The following GOSR2 variants were observed in gnomAD, a reference collection of about 807,000 sequenced individuals.
GOSR2 encodes the protein 27 kDa Golgi SNARE protein.
In GOSR2, 20 loss-of-function variants were observed where a neutral mutation model predicts 27.9. The ratio of observed to expected loss-of-function variants is 0.72; its 90% CI spans 0.50 to 1.04. GOSR2 has a LOEUF of 1.04. GOSR2 is among the 50% of genes least tolerant of loss of function. The pLI, the probability that GOSR2 is intolerant of heterozygous loss-of-function variation, is 0.00. For missense variants in GOSR2, 261 were observed against 270.5 expected (o/e 0.97, Z 0.25); for synonymous variants, 91 against 98.8 (o/e 0.92, Z 0.47).
Position 46,939,551 on chromosome 17 carries a change from C to T in GOSR2, c.*791C>T. On this transcript the variant is annotated 3_prime_UTR_variant, in exon 6 of 6. Coordinates refer to ENST00000640051, the MANE Select transcript of GOSR2 (RefSeq NM_004287.5). ...TGCGCCCAGGCTTTGTGGGCCTTTGCCCCTTAGAAAGTAGCTGTAGGCAAA... is the reference window on the plus strand; with the variant it reads ...TGCGCCCAGGCTTTGTGGGCCTTTGTCCCTTAGAAAGTAGCTGTAGGCAAA... 1.0e-6 allele frequency: 1 copy of T among 985,422 alleles called. No homozygotes were observed. Among genetic ancestry groups the T allele is most frequent in the Non-Finnish European group, 1.2e-6 (1 of 829,900 alleles). The allele number at this position is 985,422 out of a possible 1,614,324, so 61.0% of individuals were successfully genotyped here. A position where few individuals can be genotyped will look rare whatever the true frequency, so the allele number is the denominator to read the frequency against.
chr17:46,940,948 ACTCT>A lies in GOSR2; in HGVS notation c.*2192_*2195del, dbSNP rs553512648. 2.6e-5 allele frequency: 32 copies of A among 1,250,848 alleles called. No homozygotes were observed. Among genetic ancestry groups the A allele is most frequent in the African/African-American group, 1.1e-4 (7 of 65,076 alleles). The allele number at this position is 1,250,848 out of a possible 1,614,324, so 77.5% of individuals were successfully genotyped here. ...AAATAGACCTTGGCCTAACAGTGTG[ACTCT>A]CTCCACCGCCTCAGTGTAGGGAAGG... On this transcript the variant is annotated 3_prime_UTR_variant, in exon 6 of 6. Coordinates refer to ENST00000640051, the MANE Select transcript of GOSR2 (RefSeq NM_004287.5).
At chr17:46,938,033 A>G (rs1379663905) in intron 5 of GOSR2, 3 of 172,712 alleles carry the variant, frequency 1.7e-5, no homozygotes, top group Non-Finnish European at 2.5e-5. Flanking sequence ...ACACCTGGCT[A>G]ATTTTTTTTT....
At chr17:46,970,262 C>T (rs562438010), downstream of GOSR2, among the ~76,000 whole-genome samples, 76 of 152,204 alleles carry the variant, frequency 5.0e-4, no homozygotes, top group African/African-American at 1.7e-3. Context: ...CAAGAAAGAC[C>T]AGCCGCGGTG....
intron 6 of GOSR2, among the ~76,000 whole-genome samples, chr17:46,954,176 A>G (rs2090560471): frequency 6.6e-6 from 1 of 152,204 alleles, no homozygotes; most frequent in African/African-American, 2.4e-5. Flanking sequence ...TAGGTCTAAC[A>G]TGTAAGTCTT....
intron 6 of GOSR2, among the ~76,000 whole-genome samples, chr17:46,950,999 C>G (rs997328266): frequency 6.6e-6 from 1 of 152,322 alleles, no homozygotes; most frequent in Non-Finnish European, 1.5e-5. Flanking sequence ...CTGTCCTAAA[C>G]TAGCCTGTGG....
intron 1 of GOSR2, chr17:46,923,457 G>A: frequency 3.6e-6 from 5 of 1,404,350 alleles, no homozygotes; most frequent in Non-Finnish European, 4.6e-6. Context: ...GGGTCTGCAA[G>A]TTCGTGACTA....
intron 6 of GOSR2, among the ~76,000 whole-genome samples, chr17:46,972,584 GC>G (rs1158323529): frequency 6.6e-6 from 1 of 152,224 alleles, no homozygotes; most frequent in Non-Finnish European, 1.5e-5. Flanking sequence ...GTTGGCCTCT[GC>G]CCATCTGGCT....
chr17:46,930,763 C>T (rs1208539275), intron 2 of GOSR2: 3 of 227,716 alleles, frequency 1.3e-5, no homozygotes, highest in Non-Finnish European at 2.6e-5. Flanking sequence ...GAAAAGAGAC[C>T]TATATCAGAA....
In GOSR2 at chr17:46,931,159, A is replaced by C; in HGVS notation, c.155A>C (p.Glu52Ala). 2.5e-6 allele frequency: 4 copies of C among 1,611,616 alleles called. No homozygotes were observed. Among genetic ancestry groups the C allele is most frequent in the Non-Finnish European group, 3.4e-6 (4 of 1,177,670 alleles). ...DQIFSRLERL[E>A]ILSSKEPPNK... Reference sequence around the variant, plus strand: ...ATATTCAGCCGTCTAGAACGTCTGGAGATTTTGTCCAGCAAGGAGCCCCCT... The same window carrying C: ...ATATTCAGCCGTCTAGAACGTCTGGCGATTTTGTCCAGCAAGGAGCCCCCT... Residue 52 changes from glutamate to alanine, a missense_variant, in exon 3 of 6, where the codon GAG (glutamate) becomes GCG (alanine). Transcript: ENST00000640051.
intron 1 of GOSR2, among the ~76,000 whole-genome samples, chr17:46,924,679 G>A (rs373460095): frequency 8.5e-5 from 13 of 152,292 alleles, no homozygotes; most frequent in Middle Eastern, 3.4e-3. Flanking sequence ...CGAAAATACA[G>A]AACCTACTTT....
Position 46,932,054 on chromosome 17 carries a change from C to G in GOSR2, c.204-13C>G. On this transcript the variant is annotated splice_polypyrimidine_tract_variant and intron_variant, in intron 3 of 5. Coordinates refer to ENST00000640051, the MANE Select transcript of GOSR2 (RefSeq NM_004287.5). ...AGTTCCTGGAATTTAATCTCTCTCTCCATCAATTCCAGTCGGGTTGACCAG... is the reference window on the plus strand; with the variant it reads ...AGTTCCTGGAATTTAATCTCTCTCTGCATCAATTCCAGTCGGGTTGACCAG... 1 of 1,612,124 alleles carries G rather than the reference C, an allele frequency of 6.2e-7. No homozygotes were observed. The highest frequency in any genetic ancestry group is 8.5e-7 in the Non-Finnish European group (1 of 1,178,172).
chr17:46,923,475 G>T, intron 1 of GOSR2: 1 of 1,391,860 alleles, frequency 7.2e-7, no homozygotes, highest in Non-Finnish European at 9.3e-7. Context: ...CTACCTGCTG[G>T]GTAGACTGGG....
rs1040340635 is a variant in GOSR2 at position 46,938,844 on chromosome 17, C to T, written c.*84C>T. On this transcript the variant is annotated 3_prime_UTR_variant, in exon 6 of 6. Transcript: ENST00000640051. ...GAAAGAGAGAGGGGGGCCCAGAGGC[C>T]GCCTTTTGAAATGTTTGCCTGTCTG... The T allele has an allele frequency of 1.6e-5, 26 of 1,602,180 alleles. No homozygotes were observed. In the East Asian group the frequency reaches 4.5e-4, roughly 28 times the overall value.
At chr17:46,942,782 G>A (rs1208561603), downstream of GOSR2, among the ~76,000 whole-genome samples, 2 of 152,236 alleles carry the variant, frequency 1.3e-5, no homozygotes, top group Non-Finnish European at 1.5e-5. Context: ...TAGAAGCTGA[G>A]AAAGGAAAGT....
intron 4 of GOSR2, chr17:46,933,281 A>C (rs1199217017): frequency 6.6e-6 from 1 of 152,254 alleles, no homozygotes; most frequent in Non-Finnish European, 1.5e-5. Flanking sequence ...CTTCCTGGTC[A>C]TTCTACCATA....
At chr17:46,950,652 G>T (rs891784904) in intron 6 of GOSR2, among the ~76,000 whole-genome samples, 2 of 152,148 alleles carry the variant, frequency 1.3e-5, no homozygotes, top group African/African-American at 2.4e-5. Flanking sequence ...AGCAAGGGCT[G>T]ACAGGATGGG....
intron 6 of GOSR2, among the ~76,000 whole-genome samples, chr17:46,948,047 A>T (rs2090053573): frequency 6.6e-6 from 1 of 152,148 alleles, no homozygotes; most frequent in Non-Finnish European, 1.5e-5. Flanking sequence ...CTGGGATTAC[A>T]GACGTGAGCC....
chr17:46,942,543 C>T (rs774863428), downstream of GOSR2, among the ~76,000 whole-genome samples: 3 of 152,176 alleles, frequency 2.0e-5, no homozygotes, highest in Non-Finnish European at 4.4e-5. Context: ...GAGAGGTGTG[C>T]AGGGGACTGA....
intron 6 of GOSR2, among the ~76,000 whole-genome samples, chr17:46,956,989 C>T (rs111344997): frequency 0.016 from 2,486 of 152,266 alleles, 68 homozygotes; most frequent in African/African-American, 0.057. Flanking sequence ...GTGAGCTGGG[C>T]GAGGCTGCCC....
Sources: gnomAD v4.1 joint callset for allele counts (sites outside exome capture counted in the v4.1 genomes callset) on GRCh38, gnomAD v4.1.1 for gene constraint, MANE v1.5 for transcripts, NCBI Gene and HGNC (gene_info 2026-07-23, HGNC 2026-07-21) for gene names.